The following CHST11 variants were observed in gnomAD, a reference collection of about 807,000 sequenced individuals.
CHST11 encodes the protein carbohydrate sulfotransferase 11.
In CHST11, 9 loss-of-function variants were observed where a neutral mutation model predicts 30.4. That is an observed-to-expected ratio of 0.30 (90% confidence interval 0.18 to 0.52). CHST11 has a LOEUF of 0.52. Among genes scored for constraint, CHST11 ranks in the 20% least tolerant of loss-of-function variants. The probability of loss-of-function intolerance (pLI) is 0.97; values close to 1 mark genes in which losing one functional copy is unlikely to be tolerated. For synonymous variants in CHST11, 152 were observed against 187.8 expected, an observed-to-expected ratio of 0.81 and a Z score of 1.56; for missense variants, 348 against 460.6, an observed-to-expected ratio of 0.76 and a Z score of 2.24.
chr12:104,681,112 G>A (rs2039791450), intron 2 of CHST11, among the ~76,000 whole-genome samples: 1 of 152,186 alleles, frequency 6.6e-6, no homozygotes. Context: ...AGCCTGTTGT[G>A]GAGTACCTGG....
chr12:104,649,236 G>A (rs371493333), intron 2 of CHST11, among the ~76,000 whole-genome samples: 2 of 152,084 alleles, frequency 1.3e-5, no homozygotes, highest in Non-Finnish European at 2.9e-5. Flanking sequence ...ACAGTGTATC[G>A]GAACAGAGGT....
intron 1 of CHST11, among the ~76,000 whole-genome samples, chr12:104,535,323 TGGTAGCTTGTTTTGG>T (rs1280399319): frequency 6.6e-6 from 1 of 152,196 alleles, no homozygotes; most frequent in African/African-American, 2.4e-5. Context: ...CCTGTTCAGA[TGGTAGCTTGTTTTGG>T]GGACCTTTCA....
rs10622882 is a variant in CHST11 at position 104,637,302 on chromosome 12, T to TAAAAAAAAAAAAAAAAAAA, written c.204+35326_204+35344dup. Among the ~76,000 whole-genome samples, 25 of 62,568 alleles carry TAAAAAAAAAAAAAAAAAAA rather than the reference T, an allele frequency of 4.0e-4. 2 individuals are homozygous for TAAAAAAAAAAAAAAAAAAA. The highest frequency in any genetic ancestry group is 1.3e-3 in the African/African-American group (16 of 11,946). The allele number at this position is 62,568 out of a possible 152,430, so 41.0% of individuals were successfully genotyped here. A position where few individuals can be genotyped will look rare whatever the true frequency, so the allele number is the denominator to read the frequency against. On this transcript the variant is annotated intron_variant, in intron 2 of 2. Transcript: ENST00000303694. ...CCTGGGCCATGGGAGTGAGACCCTGTAAAAAAAAAAAAAAAAAAAAAAAAA... is the reference window on the plus strand; with the variant it reads ...CCTGGGCCATGGGAGTGAGACCCTGTAAAAAAAAAAAAAAAAAAAAAAAAAAAAAAAAAAAAAAAAAAAA...
At chr12:104,652,730 G>A (rs900837060) in intron 2 of CHST11, among the ~76,000 whole-genome samples, 1 of 152,214 alleles carries the variant, frequency 6.6e-6, no homozygotes, top group Admixed American at 6.5e-5. Flanking sequence ...CAGGGCTCCC[G>A]GGTTGAAATG....
chr12:104,590,634 A>T (rs117641702), intron 1 of CHST11, among the ~76,000 whole-genome samples: 1 of 152,218 alleles, frequency 6.6e-6, no homozygotes, highest in African/African-American at 2.4e-5. Flanking sequence ...GAAGAAGCAT[A>T]TGGCAGGCGG....
chr12:104,463,245 C>G (rs1448147748), intron 1 of CHST11, among the ~76,000 whole-genome samples: 2 of 152,200 alleles, frequency 1.3e-5, no homozygotes, highest in Admixed American at 1.3e-4. Flanking sequence ...TAAGTTCAGA[C>G]TCTGAGGAAA....
At chr12:104,639,643 G>A (rs1415043361) in intron 2 of CHST11, among the ~76,000 whole-genome samples, 2 of 152,134 alleles carry the variant, frequency 1.3e-5, no homozygotes, top group Non-Finnish European at 2.9e-5. Flanking sequence ...GAGGTAATTG[G>A]CAATCCATGC....
rs375146184 is a variant in CHST11 at position 104,761,570 on chromosome 12, G to C, written c.*3767G>C. The C allele has an allele frequency of 1.3e-5, 2 of 152,232 alleles. No homozygotes were observed. The highest frequency in any genetic ancestry group is 2.9e-5 in the Non-Finnish European group (2 of 68,516). The allele number at this position is 152,232 out of a possible 1,614,324, so 9.4% of individuals were successfully genotyped here. A position where few individuals can be genotyped will look rare whatever the true frequency, so the allele number is the denominator to read the frequency against. On this transcript the variant is annotated 3_prime_UTR_variant, in exon 3 of 3. Transcript: ENST00000303694. ...TTCCTTGCCCACCTCTATGTCAGCA[G>C]GACTGACCACATCACTCCCCCGAGT...
intron 1 of CHST11, among the ~76,000 whole-genome samples, chr12:104,528,610 C>T (rs1384661578): frequency 6.6e-6 from 1 of 152,194 alleles, no homozygotes; most frequent in Non-Finnish European, 1.5e-5. Flanking sequence ...AAAAAGAGAC[C>T]TGGAGGAGTT....
chr12:104,491,020 GCTTTTTTTTTTTTGA>G (rs1215127009), intron 1 of CHST11, among the ~76,000 whole-genome samples: 4 of 135,218 alleles, frequency 3.0e-5, no homozygotes, highest in African/African-American at 7.7e-5. Flanking sequence ...GAGGTCTCTG[GCTTTTTTTTTTTTGA>G]TCTCCGTCTT....
intron 2 of CHST11, among the ~76,000 whole-genome samples, chr12:104,627,596 A>T (rs1198706576): frequency 6.6e-6 from 1 of 152,204 alleles, no homozygotes; most frequent in Non-Finnish European, 1.5e-5. Context: ...AGAATTACTA[A>T]GTGTTCCTTA....
Position 104,457,499 on chromosome 12 carries a change from A to G in CHST11, c.88A>G (p.Ile30Val). 6.2e-7 allele frequency: 1 copy of G among 1,613,968 alleles called. No individual in the cohort carries two copies. The highest frequency in any genetic ancestry group is 8.5e-7 in the Non-Finnish European group (1 of 1,179,784). ...ATCLGSFILV[I>V]FYFQSMLHPV... Reference sequence around the variant, plus strand: ...TTGCTTGGGATCCTTTATCCTGGTCATCTTCTATTTCCAAAGTATGTTGCA... The same window carrying G: ...TTGCTTGGGATCCTTTATCCTGGTCGTCTTCTATTTCCAAAGTATGTTGCA... The change falls in exon 1 of 3, where the codon ATC (isoleucine) becomes GTC (valine). Residue 30 changes from isoleucine (I) to valine (V), a missense_variant. By Grantham distance (29) the Ile-to-Val change is conservative. Around this residue, in one of 3 missense-constraint regions of CHST11, gnomAD observed 135 missense variants for 155.8 expected, o/e 0.87. Coordinates refer to ENST00000303694, the MANE Select transcript of CHST11 (RefSeq NM_018413.6).
intron 2 of CHST11, among the ~76,000 whole-genome samples, chr12:104,625,795 G>C (rs1311884448): frequency 6.6e-6 from 1 of 152,148 alleles, no homozygotes; most frequent in Non-Finnish European, 1.5e-5. Context: ...TTTCTTCCCT[G>C]TCTTCTTTTT....
Position 104,457,405 on chromosome 12 carries a change from C to A in CHST11, c.-7C>A, listed in dbSNP as rs200653714. 4.8e-3 allele frequency: 7,794 copies of A among 1,609,418 alleles called. 34 individuals are homozygous for A. The highest frequency in any genetic ancestry group is 6.2e-3 in the Non-Finnish European group (7,316 of 1,175,992). On this transcript the variant is annotated 5_prime_UTR_variant, in exon 1 of 3. Transcript: ENST00000303694. ...GACACCCCGGTCCCCGCAGCCAGGACAAAGCCATGAAGCCAGCGCTGCTGG... is the reference window on the plus strand; with the variant it reads ...GACACCCCGGTCCCCGCAGCCAGGAAAAAGCCATGAAGCCAGCGCTGCTGG...
chr12:104,697,456 C>T (rs1438630965), intron 2 of CHST11, among the ~76,000 whole-genome samples: 2 of 152,272 alleles, frequency 1.3e-5, no homozygotes, highest in African/African-American at 2.4e-5. Flanking sequence ...GCTGGGACGT[C>T]GGAGCTCCTG....
chr12:104,507,156 C>T (rs996189898), intron 1 of CHST11, among the ~76,000 whole-genome samples: 1 of 152,094 alleles, frequency 6.6e-6, no homozygotes, highest in Non-Finnish European at 1.5e-5. Context: ...TCAGGTGTGC[C>T]GGGCTCCCTG....
chr12:104,589,966 G>T (rs549984379), intron 1 of CHST11, among the ~76,000 whole-genome samples: 1 of 151,910 alleles, frequency 6.6e-6, no homozygotes, highest in Non-Finnish European at 1.5e-5. Context: ...CCAAGATGGC[G>T]CCACTGCACT....
At chr12:104,604,992 A>G (rs2038989827) in intron 2 of CHST11, among the ~76,000 whole-genome samples, 1 of 152,050 alleles carries the variant, frequency 6.6e-6, no homozygotes. Flanking sequence ...ACTGAGGCCA[A>G]TAACTTCATA....
intron 1 of CHST11, among the ~76,000 whole-genome samples, chr12:104,506,991 T>A (rs925949190): frequency 6.6e-5 from 10 of 152,062 alleles, no homozygotes; most frequent in Admixed American, 5.2e-4. Flanking sequence ...TGCTGCAGAC[T>A]TCCTGGAAGG....
Sources: gnomAD v4.1 joint callset for allele counts (sites outside exome capture counted in the v4.1 genomes callset) on GRCh38, gnomAD v4.1.1 for gene constraint, gnomAD v4.1.1 regional missense constraint, MANE v1.5 for transcripts, NCBI Gene and HGNC (gene_info 2026-07-23, HGNC 2026-07-21) for gene names.